The following DHCR24 variants were observed in gnomAD, a reference collection of about 807,000 sequenced individuals.
DHCR24 encodes the protein delta(24)-sterol reductase.
DHCR24 carries 28 observed loss-of-function variants against 61.2 expected under a neutral mutation model. The observed-to-expected ratio is 0.46, with a 90% CI of 0.34 to 0.63. The LOEUF (loss-of-function observed/expected upper bound fraction) is 0.63, where lower values mean the gene tolerates loss of function less well. Ranked by LOEUF, DHCR24 falls within the 20% of genes least tolerant of loss-of-function variation. The probability of loss-of-function intolerance (pLI) is 0.01; values close to 1 mark genes in which losing one functional copy is unlikely to be tolerated. For synonymous variants in DHCR24, 261 were observed against 275.9 expected (o/e 0.95, Z 0.54); for missense variants, 538 against 679.1 (o/e 0.79, Z 2.31).
intron 5 of DHCR24, among the ~76,000 whole-genome samples, chr1:54,866,497 T>C (rs1042500739): frequency 6.6e-6 from 1 of 152,118 alleles, no homozygotes; most frequent in African/African-American, 2.4e-5. Flanking sequence ...ATCTTACACG[T>C]ACTGTTTGCC....
At chr1:54,886,406 C>G (rs1255767419) in intron 1 of DHCR24, among the ~76,000 whole-genome samples, 1 of 152,224 alleles carries the variant, frequency 6.6e-6, no homozygotes, top group African/African-American at 2.4e-5. Flanking sequence ...GCCTTGGCAT[C>G]AAGGCCCCTC....
At chr1:54,867,600 A>T (rs888729461) in intron 5 of DHCR24, among the ~76,000 whole-genome samples, 2 of 152,114 alleles carry the variant, frequency 1.3e-5, no homozygotes, top group African/African-American at 4.8e-5. Flanking sequence ...CATCTAATAC[A>T]TCAAATGGAT....
intron 1 of DHCR24, among the ~76,000 whole-genome samples, chr1:54,885,204 C>A (rs1237239599): frequency 6.6e-6 from 1 of 152,068 alleles, no homozygotes; most frequent in Non-Finnish European, 1.5e-5. Flanking sequence ...GGAAGAGATT[C>A]CTGTGATTTG....
At chr1:54,866,993 A>T (rs1646971525) in intron 5 of DHCR24, among the ~76,000 whole-genome samples, 1 of 152,134 alleles carries the variant, frequency 6.6e-6, no homozygotes, top group African/African-American at 2.4e-5. Context: ...TGCATAATGA[A>T]AGTGAGACTT....
At chr1:54,882,441 T>C (rs1035629517) in intron 2 of DHCR24, among the ~76,000 whole-genome samples, 10 of 152,210 alleles carry the variant, frequency 6.6e-5, no homozygotes, top group African/African-American at 2.4e-4. Flanking sequence ...GGCACTTCCT[T>C]AAAAAGTTAA....
intron 6 of DHCR24, among the ~76,000 whole-genome samples, 185 bp from the exon 7 acceptor site, chr1:54,854,419 C>T (rs1314866495): frequency 6.6e-6 from 1 of 152,210 alleles, no homozygotes; most frequent in Non-Finnish European, 1.5e-5. Context: ...GTTTGCTTCT[C>T]AGCTCTGGCA....
chr1:54,854,109 G>A lies in DHCR24; in HGVS notation c.1146C>T (p.His382=), dbSNP rs143696183. 25 of 1,614,008 alleles carry A rather than the reference G, an allele frequency of 1.5e-5. No homozygotes were observed. The highest frequency in any genetic ancestry group is 2.7e-5 in the African/African-American group (2 of 74,916). ...TGGGCACCAGCATGTCCTGCACCAC[G>A]TGGTGCTGCTCGTACAGCTTGCGCA... ...ETLRKLYEQH[H]VVQDMLVPMK... Residue 382 remains histidine, a synonymous_variant, in exon 7 of 9, where the codon CAC becomes CAT. Transcript: ENST00000371269.
rs1274342373 is a variant in DHCR24 at position 54,877,811 on chromosome 1, G to A, written c.388-1764C>T. On this transcript the variant is annotated intron_variant, in intron 2 of 8. Coordinates refer to ENST00000371269, the MANE Select transcript of DHCR24 (RefSeq NM_014762.4). ...GGATCACCTGAGGTCAGGAGTTCAA[G>A]ACCAGCCCGACAACATGGCAAAAAC... 3.3e-5 allele frequency among the ~76,000 whole-genome samples: 5 copies of A among 151,994 alleles called. No individual in the cohort carries two copies. In the East Asian group the frequency reaches 5.9e-4, roughly 18 times the overall value.
At chr1:54,857,730 C>T (rs1053113254) in intron 6 of DHCR24, among the ~76,000 whole-genome samples, 3 of 152,114 alleles carry the variant, frequency 2.0e-5, no homozygotes, top group African/African-American at 7.2e-5. Context: ...AAGAGACAGA[C>T]CATGGAGAAA....
intron 2 of DHCR24, among the ~76,000 whole-genome samples, chr1:54,879,312 G>C (rs1647051883): frequency 9.1e-6 from 1 of 110,114 alleles, no homozygotes. Context: ...GACAGAGCAA[G>C]ACTCCATCTG....
intron 2 of DHCR24, among the ~76,000 whole-genome samples, chr1:54,876,410 T>G (rs1323867937): frequency 1.3e-5 from 2 of 152,152 alleles, no homozygotes; most frequent in East Asian, 3.9e-4. Context: ...TCCCAGCACT[T>G]TGGGAGGCCA....
intron 2 of DHCR24, among the ~76,000 whole-genome samples, chr1:54,880,118 A>T (rs1273462090): frequency 6.6e-6 from 1 of 152,172 alleles, no homozygotes; most frequent in Non-Finnish European, 1.5e-5. Context: ...ACTGTTCAGG[A>T]AAAAAAGAGA....
At position 54,853,593 on chromosome 1, in the gene DHCR24, C is replaced by T. The variant is rs1236607795; in HGVS notation, c.1238G>A (p.Cys413Tyr). 6.2e-7 allele frequency: 1 copy of T among 1,613,814 alleles called. No individual in the cohort carries two copies. Among genetic ancestry groups the T allele is most frequent in the Non-Finnish European group, 8.5e-7 (1 of 1,179,974 alleles). ...TGGCTGGCTGGGCAGGATGAACGGA[C>T]ACAGCCAGATGGGGTAGACCTGGGT... is the stretch of plus-strand genomic sequence containing the variant. ...NDIHVYPIWL[C>Y]PFILPSQPGL... Residue 413 changes from cysteine (C) to tyrosine (Y), a missense_variant, in exon 8 of 9, where the codon TGT (cysteine) becomes TAT (tyrosine). Physicochemically the swap from Cys to Tyr is radical, Grantham distance 194. Transcript: ENST00000371269.
At chr1:54,877,939 G>A (rs1358245951) in intron 2 of DHCR24, among the ~76,000 whole-genome samples, 1 of 151,452 alleles carries the variant, frequency 6.6e-6, no homozygotes, top group Non-Finnish European at 1.5e-5. Context: ...TGAACCCATG[G>A]AGGTTGCAGT....
At chr1:54,886,237 G>A (rs1647095333) in intron 1 of DHCR24, among the ~76,000 whole-genome samples, 1 of 152,210 alleles carries the variant, frequency 6.6e-6, no homozygotes, top group South Asian at 2.1e-4. Flanking sequence ...GGAACTGAGA[G>A]ATGGACCGAC....
In DHCR24 at chr1:54,852,277, A is replaced by G. The variant is rs1391591669; in HGVS notation, c.1507T>C (p.Phe503Leu). ...CAGATCTTGTCGTACACCTCGGGGA[A>G]GGCGTCCTGGCAACCCAGCTTCTCT... ...LREKLGCQDAFPEVYDKICKA... is the reference protein window; with the variant it reads ...LREKLGCQDALPEVYDKICKA... The change falls in exon 9 of 9, where the codon TTC (phenylalanine) becomes CTC (leucine). Residue 503 changes from phenylalanine (F) to leucine (L), a missense_variant. By Grantham distance (22) the Phe-to-Leu change is conservative. Coordinates refer to ENST00000371269, the MANE Select transcript of DHCR24 (RefSeq NM_014762.4). The G allele has an allele frequency of 1.2e-5, 19 of 1,614,226 alleles. No individual in the cohort carries two copies. Among genetic ancestry groups the G allele is most frequent in the Non-Finnish European group, 1.6e-5 (19 of 1,180,046 alleles).
At chr1:54,869,588 T>TACACACAC (rs35058139) in intron 5 of DHCR24, among the ~76,000 whole-genome samples, 5 of 150,354 alleles carry the variant, frequency 3.3e-5, no homozygotes, top group Admixed American at 6.6e-5. Flanking sequence ...CACATACATA[T>TACACACAC]ACACACACAC....
At chr1:54,860,180 G>A (rs889499178) in intron 6 of DHCR24, among the ~76,000 whole-genome samples, 5 of 152,176 alleles carry the variant, frequency 3.3e-5, no homozygotes, top group Non-Finnish European at 7.3e-5. Flanking sequence ...GTATAATTCC[G>A]TCATGCCTTA....
chr1:54,875,597 C>G (rs779992599), intron 3 of DHCR24, among the ~76,000 whole-genome samples: 4 of 151,976 alleles, frequency 2.6e-5, no homozygotes, highest in Non-Finnish European at 5.9e-5. Flanking sequence ...GGTGTTTTCC[C>G]TGAAGAAGAA....
Sources: gnomAD v4.1 joint callset for allele counts (sites outside exome capture counted in the v4.1 genomes callset) on GRCh38, gnomAD v4.1.1 for gene constraint, MANE v1.5 for transcripts, NCBI Gene and HGNC (gene_info 2026-07-23, HGNC 2026-07-21) for gene names.